Variants in DUSP16 observed in about 807,000 individuals in gnomAD.
The protein encoded by DUSP16 is dual specificity protein phosphatase 16.
In DUSP16, 21 loss-of-function variants were observed where a neutral mutation model predicts 58.3. The ratio of observed to expected loss-of-function variants is 0.36; its 90% CI spans 0.26 to 0.52. DUSP16 has a LOEUF of 0.52. Ranked by LOEUF, DUSP16 falls within the 20% of genes least tolerant of loss-of-function variation. DUSP16 has a pLI of 0.94. For synonymous variants in DUSP16, 320 were observed against 323.8 expected (o/e 0.99, Z 0.12); for missense variants, 726 against 819.0 (o/e 0.89, Z 1.39).
At chr12:12,487,491 AAAC>A (rs1259461947) in intron 4 of DUSP16, among the ~76,000 whole-genome samples, 1 of 152,210 alleles carries the variant, frequency 6.6e-6, no homozygotes, top group Non-Finnish European at 1.5e-5. Flanking sequence ...ATACAAAAGA[AAAC>A]AACAGTTTAT....
chr12:12,514,594 G>C (rs753504953), intron 3 of DUSP16, among the ~76,000 whole-genome samples: 5 of 152,052 alleles, frequency 3.3e-5, no homozygotes, highest in Non-Finnish European at 7.4e-5. Flanking sequence ...ACATCTGCAG[G>C]AGAAAAAACA....
intron 3 of DUSP16, among the ~76,000 whole-genome samples, chr12:12,512,411 T>C (rs1476025110): frequency 1.3e-5 from 2 of 152,172 alleles, no homozygotes; most frequent in East Asian, 3.8e-4. Flanking sequence ...GTCACCATGC[T>C]GTACAATAGG....
intron 1 of DUSP16, among the ~76,000 whole-genome samples, chr12:12,528,071 G>C (rs904732752): frequency 5.3e-5 from 8 of 152,214 alleles, no homozygotes; most frequent in African/African-American, 1.7e-4. Context: ...GGCTCAATCA[G>C]AGCTCTTGTC....
In DUSP16 at chr12:12,544,512, T is replaced by A. The variant is rs1026178920; in HGVS notation, c.-366+17605A>T. Among the ~76,000 whole-genome samples the A allele has an allele frequency of 2.0e-5, 3 of 152,216 alleles. No homozygotes were observed. The East Asian group carries it at 5.8e-4, about 29-fold the overall frequency. ...TTGCTAGGTTAAACGCATAAGTATGTAACACTTTAGTATAATAGATACAAC... is the reference window on the plus strand; with the variant it reads ...TTGCTAGGTTAAACGCATAAGTATGAAACACTTTAGTATAATAGATACAAC... On this transcript the variant is annotated intron_variant, in intron 1 of 6. Transcript: ENST00000298573.
At chr12:12,524,530 T>C (rs1019713841) in intron 1 of DUSP16, among the ~76,000 whole-genome samples, 2 of 152,266 alleles carry the variant, frequency 1.3e-5, no homozygotes, top group African/African-American at 4.8e-5. Context: ...TTTAAAAATT[T>C]CTCTGTAGTT....
chr12:12,543,843 T>C (rs925730923), intron 1 of DUSP16, among the ~76,000 whole-genome samples: 1 of 152,012 alleles, frequency 6.6e-6, no homozygotes, highest in African/African-American at 2.4e-5. Flanking sequence ...TATTTATTTA[T>C]GAGGCCAGTT....
chr12:12,521,945 T>G (rs1592192310), intron 1 of DUSP16, among the ~76,000 whole-genome samples: 1 of 151,436 alleles, frequency 6.6e-6, no homozygotes, highest in Non-Finnish European at 1.5e-5. Context: ...GATGAATGGG[T>G]AGGTGTATAT....
At chr12:12,518,961 C>A (rs1198330544) in intron 3 of DUSP16, among the ~76,000 whole-genome samples, 1 of 152,194 alleles carries the variant, frequency 6.6e-6, no homozygotes, top group Non-Finnish European at 1.5e-5. Flanking sequence ...ACACCAACAA[C>A]TAATTAATCT....
intron 4 of DUSP16, among the ~76,000 whole-genome samples, chr12:12,488,228 T>C (rs1592169310): frequency 6.6e-6 from 1 of 150,822 alleles, no homozygotes; most frequent in Non-Finnish European, 1.5e-5. Flanking sequence ...GCCCTGTCCT[T>C]CTTCCAGAAG....
chr12:12,489,684 T>C (rs964094770), intron 4 of DUSP16, among the ~76,000 whole-genome samples: 1 of 152,220 alleles, frequency 6.6e-6, no homozygotes. Context: ...CAGGAAATTC[T>C]AAGAGAAAAC....
intron 1 of DUSP16, among the ~76,000 whole-genome samples, chr12:12,525,731 TACACACACACACACACACACAC>T: frequency 6.8e-6 from 1 of 146,194 alleles, no homozygotes; most frequent in South Asian, 2.2e-4. Flanking sequence ...AATATATGTA[TACACACACACACACACACACAC>T]ACACACACAA....
chr12:12,506,483 G>A (rs145981448), intron 3 of DUSP16, among the ~76,000 whole-genome samples: 6 of 152,228 alleles, frequency 3.9e-5, no homozygotes, highest in African/African-American at 7.2e-5. Context: ...AAAAATTTGC[G>A]CCTATTTTTT....
At chr12:12,558,644 T>C (rs773433488) in intron 1 of DUSP16, among the ~76,000 whole-genome samples, 2 of 152,170 alleles carry the variant, frequency 1.3e-5, no homozygotes, top group African/African-American at 4.8e-5. Flanking sequence ...CCTCTTAAAG[T>C]GCTGGGATTA....
chr12:12,493,420 C>T (rs1299587460), intron 4 of DUSP16, among the ~76,000 whole-genome samples: 1 of 152,160 alleles, frequency 6.6e-6, no homozygotes, highest in Non-Finnish European at 1.5e-5. Flanking sequence ...GAAATTCAGG[C>T]TATTTTCAAC....
intron 1 of DUSP16, among the ~76,000 whole-genome samples, chr12:12,527,447 T>C (rs1487613264): frequency 6.6e-6 from 1 of 152,056 alleles, no homozygotes; most frequent in Non-Finnish European, 1.5e-5. Flanking sequence ...TTGGCAAATA[T>C]ATTCAATTAA....
At chr12:12,500,806 C>T in intron 3 of DUSP16, 124 bp from the exon 4 acceptor site, 1 of 848,584 alleles carries the variant, frequency 1.2e-6, no homozygotes, top group East Asian at 3.1e-5. Context: ...CACACCTATT[C>T]CTGGCTACAG....
At chr12:12,560,237 A>T (rs550358048) in intron 1 of DUSP16, among the ~76,000 whole-genome samples, 1 of 152,002 alleles carries the variant, frequency 6.6e-6, no homozygotes, top group African/African-American at 2.4e-5. Flanking sequence ...TAATACTAAA[A>T]AAGAAAAAAA....
chr12:12,515,456 C>G (rs772423839), intron 3 of DUSP16, among the ~76,000 whole-genome samples: 2 of 150,922 alleles, frequency 1.3e-5, no homozygotes, highest in Non-Finnish European at 3.0e-5. Flanking sequence ...GCTTCCTGAG[C>G]AGCTAGGATT....
intron 3 of DUSP16, among the ~76,000 whole-genome samples, chr12:12,502,897 A>G (rs1174432747): frequency 4.6e-5 from 7 of 152,102 alleles, no homozygotes; most frequent in African/African-American, 9.7e-5. Context: ...CTCTTGTCCA[A>G]GAATACCACC....
Sources: allele counts gnomAD v4.1 joint callset (sites outside exome capture counted in the v4.1 genomes callset), GRCh38; gene constraint gnomAD v4.1.1; transcripts MANE v1.5; gene names NCBI Gene and HGNC (gene_info 2026-07-23, HGNC 2026-07-21).